GRIK4: variants seen among roughly 807,000 people sequenced by gnomAD.
The protein encoded by GRIK4 is glutamate receptor ionotropic, kainate 4.
Under a neutral mutation model 104.9 loss-of-function variants are expected in GRIK4, and 40 were observed. The observed-to-expected ratio is 0.38, with a 90% CI of 0.30 to 0.50. GRIK4 has a LOEUF of 0.50. GRIK4 is among the 20% of genes least tolerant of loss of function. The pLI is 0.93. For synonymous variants in GRIK4, 485 were observed against 524.9 expected (o/e 0.92, Z 1.04); for missense variants, 1,047 against 1,308.1 (o/e 0.80, Z 3.08).
At chr11:120,821,409 T>A (rs558128647) in intron 6 of GRIK4, among the ~76,000 whole-genome samples, 27 of 152,170 alleles carry the variant, frequency 1.8e-4, no homozygotes, top group Non-Finnish European at 1.9e-4. Flanking sequence ...GGAAGTAGGT[T>A]GGAGCCTAGA....
At chr11:120,941,756 A>G (rs1306574570) in intron 14 of GRIK4, among the ~76,000 whole-genome samples, 1 of 152,144 alleles carries the variant, frequency 6.6e-6, no homozygotes, top group Non-Finnish European at 1.5e-5. Context: ...GCTAGCAACC[A>G]CCGAAAGCTA....
At chr11:120,897,601 CAAAA>C (rs56807699) in intron 11 of GRIK4, among the ~76,000 whole-genome samples, 353 of 13,022 alleles carry the variant, frequency 0.027, 3 homozygotes, top group Middle Eastern at 0.056. Flanking sequence ...GACTCCTTCT[CAAAA>C]AAAAAAAAAA....
At chr11:120,632,297 C>T (rs1436256820) in intron 1 of GRIK4, among the ~76,000 whole-genome samples, 1 of 152,202 alleles carries the variant, frequency 6.6e-6, no homozygotes, top group African/African-American at 2.4e-5. Flanking sequence ...GACCTCTAGC[C>T]TTCAGAACGG....
At chr11:120,670,653 C>G (rs1421745703) in intron 3 of GRIK4, among the ~76,000 whole-genome samples, 1 of 152,246 alleles carries the variant, frequency 6.6e-6, no homozygotes, top group African/African-American at 2.4e-5. Flanking sequence ...TCCTCTAGCC[C>G]TGCCTCTGCC....
At chr11:120,645,267 C>T (rs57164209) in intron 1 of GRIK4, among the ~76,000 whole-genome samples, 2,285 of 152,298 alleles carry the variant, frequency 0.015, 69 homozygotes, top group African/African-American at 0.053. Context: ...GCCTGGGCCT[C>T]GTTCCTTGAC....
chr11:120,556,012 A>G (rs1343088145), intron 1 of GRIK4, among the ~76,000 whole-genome samples: 2 of 152,094 alleles, frequency 1.3e-5, no homozygotes, highest in Non-Finnish European at 2.9e-5. Flanking sequence ...ATGGAAATGC[A>G]TTTTCAGGAG....
intron 1 of GRIK4, among the ~76,000 whole-genome samples, chr11:120,562,921 G>T (rs1056489409): frequency 6.6e-6 from 1 of 152,344 alleles, no homozygotes; most frequent in East Asian, 1.9e-4. Context: ...TCTTCTGCAG[G>T]GTCCAGCTGC....
intron 3 of GRIK4, among the ~76,000 whole-genome samples, chr11:120,765,091 A>G (rs1460285222): frequency 6.6e-6 from 1 of 152,136 alleles, no homozygotes; most frequent in Non-Finnish European, 1.5e-5. Flanking sequence ...TTTCAGGTAC[A>G]CCAATCAAAC....
chr11:120,672,712 G>C (rs944773940), intron 3 of GRIK4, among the ~76,000 whole-genome samples: 4 of 148,608 alleles, frequency 2.7e-5, no homozygotes, highest in African/African-American at 1.1e-4. Context: ...GAGTTTGCTC[G>C]TGATTTGGCT....
At chr11:120,528,350 A>C (rs1251564658) in intron 1 of GRIK4, among the ~76,000 whole-genome samples, 1 of 152,008 alleles carries the variant, frequency 6.6e-6, no homozygotes, top group Non-Finnish European at 1.5e-5. Context: ...TGACCTCATG[A>C]TCTGCCCGCC....
intron 3 of GRIK4, among the ~76,000 whole-genome samples, chr11:120,755,805 G>A (rs1314916730): frequency 6.6e-6 from 1 of 152,150 alleles, no homozygotes; most frequent in African/African-American, 2.4e-5. Flanking sequence ...TCCAGGGAGA[G>A]TTGGGGTGGA....
At chr11:120,891,639 C>T (rs541595403) in intron 11 of GRIK4, among the ~76,000 whole-genome samples, 2 of 152,280 alleles carry the variant, frequency 1.3e-5, no homozygotes, top group Admixed American at 1.3e-4. Context: ...CTGTGCCAGG[C>T]TCTAGGGATA....
At chr11:120,535,798 C>T (rs1947968090) in intron 1 of GRIK4, among the ~76,000 whole-genome samples, 1 of 152,248 alleles carries the variant, frequency 6.6e-6, no homozygotes. Flanking sequence ...TGCATTGCTG[C>T]ACCTATTCCT....
At position 120,988,623 on chromosome 11, in the gene GRIK4, G is replaced by GA. The variant is rs1414675468; in HGVS notation, c.*2365dup. On this transcript the variant is annotated 3_prime_UTR_variant, in exon 21 of 21. Coordinates refer to ENST00000527524, the MANE Select transcript of GRIK4 (RefSeq NM_014619.5). ...CCTCACCTTGCTCAAGCTAGTGGGT[G>GA]AATTTGCAACCAGCTAATACTCTTC... 11 of 152,156 alleles carry GA rather than the reference G, an allele frequency of 7.2e-5. 1 individual carries two copies. Among genetic ancestry groups the GA allele is most frequent in the Admixed American group, 5.2e-4 (8 of 15,274 alleles). 9.4% of individuals were successfully genotyped at this position (152,156 alleles called of 1,614,324 possible).
intron 20 of GRIK4, 82 bp downstream of exon 20, chr11:120,982,306 A>G: frequency 1.3e-6 from 1 of 792,452 alleles, no homozygotes; most frequent in Non-Finnish European, 2.2e-6. Flanking sequence ...AGGTTATTTC[A>G]GACGCTTACC....
At chr11:120,691,647 G>A (rs1361984671) in intron 3 of GRIK4, among the ~76,000 whole-genome samples, 1 of 152,166 alleles carries the variant, frequency 6.6e-6, no homozygotes, top group Non-Finnish European at 1.5e-5. Context: ...TAGCATTTAG[G>A]TGAGGGAATG....
chr11:120,770,294 C>G lies in GRIK4; in HGVS notation c.83-32399C>G, dbSNP rs182154411. Among the ~76,000 whole-genome samples, 9 of 152,340 alleles carry G rather than the reference C, an allele frequency of 5.9e-5. No homozygotes were observed. The East Asian group carries it at 1.7e-3, about 29-fold the overall frequency. ...GGCATGATAAAATTACCTTAACTCCCAGCATCTGTTTATGCCACATAGTGA... is the reference window on the plus strand; with the variant it reads ...GGCATGATAAAATTACCTTAACTCCGAGCATCTGTTTATGCCACATAGTGA... On this transcript the variant is annotated intron_variant, in intron 3 of 20. Transcript: ENST00000527524.
chr11:120,617,895 C>T (rs1035778083), intron 1 of GRIK4, among the ~76,000 whole-genome samples: 7 of 151,878 alleles, frequency 4.6e-5, no homozygotes, highest in East Asian at 3.8e-4. Flanking sequence ...TTTATAGCAA[C>T]GTGAGAATGG....
intron 1 of GRIK4, among the ~76,000 whole-genome samples, chr11:120,613,808 G>A (rs1949069822): frequency 6.6e-6 from 1 of 152,186 alleles, no homozygotes; most frequent in South Asian, 2.1e-4. Context: ...TGTGGGGTGA[G>A]CTTTCTGCAC....
Sources: allele counts gnomAD v4.1 joint callset (sites outside exome capture counted in the v4.1 genomes callset), GRCh38; gene constraint gnomAD v4.1.1; transcripts MANE v1.5; gene names NCBI Gene and HGNC (gene_info 2026-07-23, HGNC 2026-07-21).